RNF25: variants seen among roughly 807,000 people sequenced by gnomAD.
RNF25 encodes E3 ubiquitin-protein ligase RNF25.
In RNF25, 32 loss-of-function variants were observed where a neutral mutation model predicts 65.0. The observed-to-expected ratio is 0.49, with a 90% CI of 0.37 to 0.66. The LOEUF is 0.66. RNF25 is among the 30% of genes least tolerant of loss of function. The probability of loss-of-function intolerance (pLI) is 0.00; values close to 1 mark genes in which losing one functional copy is unlikely to be tolerated. For synonymous variants in RNF25, 207 were observed against 221.2 expected, an observed-to-expected ratio of 0.94 and a Z score of 0.57; for missense variants, 493 against 584.8, an observed-to-expected ratio of 0.84 and a Z score of 1.62.
Position 218,664,531 on chromosome 2 carries a change from G to C in RNF25, c.806C>G (p.Pro269Arg). The change falls in exon 10 of 10, where the codon CCT becomes CGT. Residue 269 changes from proline (P) to arginine (R), a missense_variant. By Grantham distance (103) the Pro-to-Arg change is moderately radical. Around this residue, in one of 3 missense-constraint regions of RNF25, gnomAD observed 351 missense variants for 400.2 expected, o/e 0.88. Coordinates refer to ENST00000295704, the MANE Select transcript of RNF25 (RefSeq NM_022453.3). The surrounding 1 kb of genome is among the most constrained non-coding windows in gnomAD (Gnocchi z 5.1). ...AGCTGACTCAGGTTCCGCAGGGGCAGGAGGCTAGAAATAAGTGACAAGATG... is the reference window on the plus strand; with the variant it reads ...AGCTGACTCAGGTTCCGCAGGGGCACGAGGCTAGAAATAAGTGACAAGATG... ...NRYFISLQQPPAPAEPESAVD... is the reference protein window; with the variant it reads ...NRYFISLQQPRAPAEPESAVD... 1 of 1,611,890 alleles carries C rather than the reference G, an allele frequency of 6.2e-7. No homozygotes were observed. Among genetic ancestry groups the C allele is most frequent in the Non-Finnish European group, 8.5e-7 (1 of 1,178,858 alleles).
intron 7 of RNF25, 79 bp from the exon 8 acceptor site, chr2:218,665,326 G>C: frequency 7.7e-7 from 1 of 1,293,646 alleles, no homozygotes; most frequent in Non-Finnish European, 1.1e-6. Context: ...AACCTAATCT[G>C]CAGAGGGCTG....
Position 218,664,157 on chromosome 2 carries a change from C to T in RNF25, c.1180G>A (p.Val394Ile), listed in dbSNP as rs1559321451. 2 of 1,552,028 alleles carry T rather than the reference C, an allele frequency of 1.3e-6. No homozygotes were observed. Among genetic ancestry groups the T allele is most frequent in the Non-Finnish European group, 1.7e-6 (2 of 1,153,708 alleles). The stretch of plus-strand genomic sequence containing the variant: ...CCCTTCTCTTGTGGAGGACCTTCAA[C>T]TCCTTGGCTATGGGGTTCTGGCTTT... ...DLKPEPHSQG[V>I]EGPPQEKGPG... is the part of the protein sequence containing the mutation. The change falls in exon 10 of 10, where the codon GTT (valine) becomes ATT (isoleucine). Residue 394 changes from valine (V) to isoleucine (I), a missense_variant. This residue lies in a region of RNF25 where 351 missense variants were observed against 400.2 expected (regional missense o/e 0.88). Coordinates refer to ENST00000295704, the MANE Select transcript of RNF25 (RefSeq NM_022453.3). This position sits in a 1 kb window ranked among gnomAD's most constrained non-coding sequence, Gnocchi z 5.1.
At chr2:218,668,388 T>TG in intron 2 of RNF25, 47 bp from the exon 3 acceptor site, 1 of 722,232 alleles carries the variant, frequency 1.4e-6, no homozygotes, top group Non-Finnish European at 2.1e-6. Flanking sequence ...GGTAGGGGCT[T>TG]GGGGGCTGGG....
In RNF25 at chr2:218,665,157, T is replaced by C; in HGVS notation, c.664A>G (p.Met222Val). 6.2e-7 allele frequency: 1 copy of C among 1,614,100 alleles called. No homozygotes were observed. Among genetic ancestry groups the C allele is most frequent in the African/African-American group, 1.3e-5 (1 of 75,032 alleles). ...LKAAPEPQQP[M>V]ELYQPSAESL... ...AGATTGGAAAAAAGTCTCCTTACCA[T>C]GGGCTGTTGGGGTTCAGGGGCTGCT... The change falls in exon 8 of 10, where the codon ATG becomes GTG. Residue 222 changes from methionine (M) to valine (V), a missense_variant and splice_region_variant. Around this residue, in one of 3 missense-constraint regions of RNF25, gnomAD observed 351 missense variants for 400.2 expected, o/e 0.88. Coordinates refer to ENST00000295704, the MANE Select transcript of RNF25 (RefSeq NM_022453.3).
At chr2:218,666,310 C>A in intron 5 of RNF25, 80 bp from the exon 6 acceptor site, 1 of 1,192,074 alleles carries the variant, frequency 8.4e-7, no homozygotes, top group Non-Finnish European at 1.2e-6. Context: ...CTAGGAGTGA[C>A]TGGCTAGACT....
At chr2:218,667,100 G>A (rs1333092119) in intron 5 of RNF25, among the ~76,000 whole-genome samples, 11 of 151,310 alleles carry the variant, frequency 7.3e-5, no homozygotes, top group African/African-American at 1.7e-4. Flanking sequence ...CCTGGGAGGC[G>A]GAGGTTGCAG....
In RNF25 at chr2:218,664,309, C is replaced by G. The variant is rs115868270; in HGVS notation, c.1028G>C (p.Ser343Thr). 2.1e-3 allele frequency: 3,401 copies of G among 1,612,570 alleles called. 67 individuals carry two copies. In the African/African-American group the frequency reaches 0.038, roughly 18 times the overall value. Residue 343 changes from serine (S) to threonine (T), a missense_variant, in exon 10 of 10, where the codon AGT (serine) becomes ACT (threonine). Physicochemically the swap from Ser to Thr is moderately conservative, Grantham distance 58. This residue lies in a region of RNF25 where 351 missense variants were observed against 400.2 expected (regional missense o/e 0.88). Coordinates refer to ENST00000295704, the MANE Select transcript of RNF25 (RefSeq NM_022453.3). This position sits in a 1 kb window ranked among gnomAD's most constrained non-coding sequence, Gnocchi z 5.1. ...QKAMLDPPKP[S>T]RGPWRQPERR... is the part of the protein sequence containing the mutation. ...TTCGGGCTGTCGCCAGGGACCTCGA[C>G]TGGGCTTGGGGGGATCTAGCATAGC...
Position 218,664,023 on chromosome 2 carries a change from GC to G in RNF25, c.1313del (p.Gly438AlafsTer?). ...GAGTACCAGGCCGGTATGCTCCCTG[GC>G]CCCGAGGCAGGCGAGGGTAGGAAGA... ...PGSSYPRLPRGQGAYRPGTRR... is the reference protein window; with the variant it reads ...PGSSYPRLPRXQGAYRPGTRR... On this transcript the variant is annotated frameshift_variant, in exon 10 of 10. Coordinates refer to ENST00000295704, the MANE Select transcript of RNF25 (RefSeq NM_022453.3). LOFTEE classifies it high-confidence loss of function. This position sits in a 1 kb window ranked among gnomAD's most constrained non-coding sequence, Gnocchi z 5.1. 1 of 1,492,082 alleles carries G rather than the reference GC, an allele frequency of 6.7e-7. No individual in the cohort carries two copies. Among genetic ancestry groups the G allele is most frequent in the Non-Finnish European group, 8.9e-7 (1 of 1,120,756 alleles). The allele number at this position is 1,492,082 out of a possible 1,614,324, so 92.4% of individuals were successfully genotyped here. A position where few individuals can be genotyped will look rare whatever the true frequency, so the allele number is the denominator to read the frequency against.
chr2:218,670,522 C>G (rs1370726407), intron 1 of RNF25, among the ~76,000 whole-genome samples: 2 of 151,608 alleles, frequency 1.3e-5, no homozygotes, highest in Non-Finnish European at 2.9e-5. Flanking sequence ...GGTGAAACCC[C>G]GTCTCTACTA....
intron 5 of RNF25, among the ~76,000 whole-genome samples, chr2:218,667,382 C>A (rs1939843525): frequency 6.8e-6 from 1 of 147,654 alleles, no homozygotes; most frequent in Non-Finnish European, 1.5e-5. Context: ...GATGGAGTCT[C>A]ACTCTGTTGC....
rs558349517 is a variant in RNF25, at chr2:218,666,199, A to T, written c.389T>A (p.Ile130Asn). 2 of 1,614,068 alleles carry T rather than the reference A, an allele frequency of 1.2e-6. No individual in the cohort carries two copies. The highest frequency in any genetic ancestry group is 1.1e-5 in the South Asian group (1 of 91,060). The change falls in exon 6 of 10, where the codon ATC becomes AAC. Residue 130 changes from isoleucine to asparagine, a missense_variant. By Grantham distance (149) the Ile-to-Asn change is moderately radical. This residue lies in a region of RNF25 where 108 missense variants were observed against 166.0 expected (regional missense o/e 0.65). Coordinates refer to ENST00000295704, the MANE Select transcript of RNF25 (RefSeq NM_022453.3). ...GCAGATGACACACTGGCCATGAGGG[A>T]TGTTGTTATCTGTGAGAATTTCCTT... The part of the protein sequence containing the change: ...KGKEILTDNN[I>N]PHGQCVICLY...
At position 218,664,976 on chromosome 2, in the gene RNF25, C is replaced by G; in HGVS notation, c.667-103G>C. 1 of 1,534,032 alleles carries G rather than the reference C, an allele frequency of 6.5e-7. No individual in the cohort carries two copies. Among genetic ancestry groups the G allele is most frequent in the Non-Finnish European group, 8.8e-7 (1 of 1,131,190 alleles). On this transcript the variant is annotated intron_variant, in intron 8 of 9. Coordinates refer to ENST00000295704, the MANE Select transcript of RNF25 (RefSeq NM_022453.3). The surrounding 1 kb of genome is among the most constrained non-coding windows in gnomAD (Gnocchi z 5.1). ...CAGGAGATCTGCACTGGTTTTGCCCCTCAGGTCTGGGCTCCCAGAGTCTTA... is the reference window on the plus strand; with the variant it reads ...CAGGAGATCTGCACTGGTTTTGCCCGTCAGGTCTGGGCTCCCAGAGTCTTA...
chr2:218,666,281 C>G (rs757437081), intron 5 of RNF25, 51 bp from the exon 6 acceptor site: 26 of 1,445,076 alleles, frequency 1.8e-5, no homozygotes, highest in Non-Finnish European at 2.5e-5. Flanking sequence ...GAACGGTGAG[C>G]AAGGCCTGTC....
At chr2:218,665,804 G>A in intron 7 of RNF25, 112 bp downstream of exon 7, 1 of 1,372,046 alleles carries the variant, frequency 7.3e-7, no homozygotes, top group Non-Finnish European at 9.9e-7. Flanking sequence ...TAATCTCAAG[G>A]GTATCTATGA....
chr2:218,671,173 A>C (rs1939957529), intron 1 of RNF25, among the ~76,000 whole-genome samples: 1 of 152,216 alleles, frequency 6.6e-6, no homozygotes, highest in South Asian at 2.1e-4. Flanking sequence ...CTCTGTCTCA[A>C]AAAACAAAAC....
At chr2:218,667,234 A>G (rs1305347286) in intron 5 of RNF25, among the ~76,000 whole-genome samples, 2 of 151,952 alleles carry the variant, frequency 1.3e-5, no homozygotes, top group African/African-American at 2.4e-5. Flanking sequence ...ACTTAATTTT[A>G]TATTTTTAAT....
chr2:218,670,741 A>T (rs912617059), intron 1 of RNF25, among the ~76,000 whole-genome samples: 1 of 151,718 alleles, frequency 6.6e-6, no homozygotes, highest in African/African-American at 2.4e-5. Flanking sequence ...TGGGGACTGA[A>T]GAATGTCCTA....
intron 1 of RNF25, among the ~76,000 whole-genome samples, chr2:218,670,928 C>T (rs1939949445): frequency 6.6e-6 from 1 of 151,874 alleles, no homozygotes; most frequent in African/African-American, 2.4e-5. Flanking sequence ...ATTCCAGCAC[C>T]TTGGGAGGCT....
In RNF25 at chr2:218,665,241, C is replaced by A; in HGVS notation, c.580G>T (p.Val194Phe). The A allele has an allele frequency of 6.2e-7, 1 of 1,612,846 alleles. No individual in the cohort carries two copies. Among genetic ancestry groups the A allele is most frequent in the Non-Finnish European group, 8.5e-7 (1 of 1,179,466 alleles). The change falls in exon 8 of 10, where the codon GTC (valine) becomes TTC (phenylalanine). Residue 194 changes from valine to phenylalanine, a missense_variant. Coordinates refer to ENST00000295704, the MANE Select transcript of RNF25 (RefSeq NM_022453.3). ...RQHATTKQKAVGVQCPVCREP... is the reference protein window; with the variant it reads ...RQHATTKQKAFGVQCPVCREP... The stretch of plus-strand genomic sequence containing the variant: ...CTGCACACTGGACACTGCACACCGA[C>A]TGCCTTCTAAAAAAGAGAAAAATCA...
Sources: allele counts gnomAD v4.1 joint callset (sites outside exome capture counted in the v4.1 genomes callset), GRCh38; gene constraint gnomAD v4.1.1; regional missense constraint gnomAD v4.1.1; non-coding constraint Gnocchi (gnomAD v3.1); transcripts MANE v1.5; gene names NCBI Gene and HGNC (gene_info 2026-07-23, HGNC 2026-07-21).